The following USP32 variants were observed in gnomAD, a reference collection of about 807,000 sequenced individuals.
The protein encoded by USP32 is ubiquitin carboxyl-terminal hydrolase 32.
USP32 carries 59 observed loss-of-function variants against 204.8 expected under a neutral mutation model. That is an observed-to-expected ratio of 0.29 (90% CI 0.23 to 0.36). The LOEUF is 0.36. Among genes scored for constraint, USP32 ranks in the 10% least tolerant of loss-of-function variants. The pLI, the probability that USP32 is intolerant of heterozygous loss-of-function variation, is 1.00. For synonymous variants in USP32, 517 were observed against 678.4 expected (o/e 0.76, Z 3.70); for missense variants, 1,160 against 1,946.4 (o/e 0.60, Z 7.60).
chr17:60,196,282 A>AT (rs1345281264), intron 27 of USP32, among the ~76,000 whole-genome samples: 1 of 151,468 alleles, frequency 6.6e-6, no homozygotes, highest in African/African-American at 2.4e-5. Flanking sequence ...AAAAAAGAAA[A>AT]AAAAAAAAGA....
intron 2 of USP32, among the ~76,000 whole-genome samples, chr17:60,341,838 T>A (rs1433611597): frequency 6.6e-6 from 1 of 152,230 alleles, no homozygotes; most frequent in Non-Finnish European, 1.5e-5. Context: ...TTCCTTGCGA[T>A]GGGTTCGAAC....
In USP32 at chr17:60,264,785, G is replaced by A. The variant is rs34781040; in HGVS notation, c.990+627C>T. 2.1e-3 allele frequency among the ~76,000 whole-genome samples: 319 copies of A among 150,624 alleles called. No individual in the cohort carries two copies. The Middle Eastern group carries it at 0.027, about 13-fold the overall frequency. On this transcript the variant is annotated intron_variant, in intron 9 of 33. Coordinates refer to ENST00000300896, the MANE Select transcript of USP32 (RefSeq NM_032582.4). The stretch of plus-strand genomic sequence containing the variant: ...TGAGGCAAGAAAATCACTTGAAGCC[G>A]GGAGGCAGAGGTGGCAGTGAGCTGA...
intron 1 of USP32, among the ~76,000 whole-genome samples, chr17:60,380,977 T>G (rs1413617042): frequency 1.3e-5 from 2 of 152,244 alleles, no homozygotes; most frequent in African/African-American, 4.8e-5. Context: ...AACCCAAATT[T>G]TAAATGTTTA....
intron 1 of USP32, among the ~76,000 whole-genome samples, chr17:60,355,234 C>T (rs918620699): frequency 6.6e-6 from 1 of 152,100 alleles, no homozygotes; most frequent in African/African-American, 2.4e-5. Context: ...ACAGGAACAA[C>T]TCATCAATGA....
intron 2 of USP32, among the ~76,000 whole-genome samples, chr17:60,303,148 A>C (rs1010123014): frequency 6.6e-6 from 1 of 152,232 alleles, no homozygotes; most frequent in African/African-American, 2.4e-5. Flanking sequence ...AAATAGCTAC[A>C]GAACATTAAA....
Position 60,223,492 on chromosome 17 carries a change from A to T in USP32, c.1527T>A (p.Asn509Lys), listed in dbSNP as rs755974360. ...GGTTAAGGTGCAACAAAATATTCCC[A>T]TTGGCTCCCAGCAAACACTGGTTGT... ...DNNNQCLLGA[N>K]GNILLHLNPQ... The change falls in exon 14 of 34, where the codon AAT becomes AAA. Residue 509 changes from asparagine to lysine, a missense_variant. Physicochemically the swap from Asn to Lys is moderately conservative, Grantham distance 94. This residue lies in a region of USP32 where 536 missense variants were observed against 680.9 expected (regional missense o/e 0.79). Transcript: ENST00000300896. 1 of 1,613,958 alleles carries T rather than the reference A, an allele frequency of 6.2e-7. No homozygotes were observed. Among genetic ancestry groups the T allele is most frequent in the South Asian group, 1.1e-5 (1 of 91,036 alleles).
intron 3 of USP32, among the ~76,000 whole-genome samples, chr17:60,297,629 CG>C (rs1275126975): frequency 1.3e-5 from 2 of 151,640 alleles, no homozygotes; most frequent in Non-Finnish European, 2.9e-5. Context: ...TTAGTAGAGA[CG>C]GGGTTTCACC....
chr17:60,349,624 T>TTA (rs1318566015), intron 1 of USP32, among the ~76,000 whole-genome samples: 1,156 of 59,806 alleles, frequency 0.019, 17 homozygotes, highest in Middle Eastern at 0.038. Flanking sequence ...TATATATATA[T>TTA]TATATATATA....
intron 1 of USP32, among the ~76,000 whole-genome samples, chr17:60,387,930 A>T (rs545209342): frequency 2.0e-4 from 30 of 152,286 alleles, no homozygotes; most frequent in African/African-American, 7.0e-4. Flanking sequence ...TTTCTACTGA[A>T]CGCATATAGC....
At chr17:60,201,099 C>T (rs1455606402) in intron 26 of USP32, among the ~76,000 whole-genome samples, 3 of 152,136 alleles carry the variant, frequency 2.0e-5, no homozygotes, top group Non-Finnish European at 2.9e-5. Flanking sequence ...CTCAAGCAAT[C>T]GGCCCACCTC....
intron 11 of USP32, among the ~76,000 whole-genome samples, chr17:60,237,156 ATCT>A (rs1567792301): frequency 1.3e-5 from 2 of 151,160 alleles, no homozygotes. Flanking sequence ...CTATCTATCT[ATCT>A]ATCTACAGAA....
rs745804131 is a variant in USP32, at chr17:60,392,104, T to TCGC, written c.-168_-166dup. ...CTTCTGCCCCGGCGGCTCCTCCCGGTCGCCGCCACCGCCTCCATGCCGGAT... is the reference window on the plus strand; with the variant it reads ...CTTCTGCCCCGGCGGCTCCTCCCGGTCGCCGCCGCCACCGCCTCCATGCCGGAT... On this transcript the variant is annotated 5_prime_UTR_variant, in exon 1 of 34. Transcript: ENST00000300896. 5 of 655,652 alleles carry TCGC rather than the reference T, an allele frequency of 7.6e-6. No homozygotes were observed. Among genetic ancestry groups the TCGC allele is most frequent in the Non-Finnish European group, 4.9e-6 (2 of 410,848 alleles). 40.6% of individuals were successfully genotyped at this position (655,652 alleles called of 1,614,324 possible).
chr17:60,416,130 G>A (rs565480383), intron 1 of USP32, among the ~76,000 whole-genome samples: 3 of 152,226 alleles, frequency 2.0e-5, no homozygotes, highest in East Asian at 1.9e-4. Flanking sequence ...GACCCACTGC[G>A]CCTGGCTTAC....
At chr17:60,421,293 C>G in intron 1 of USP32, 2 of 868,958 alleles carry the variant, frequency 2.3e-6, no homozygotes, top group Non-Finnish European at 2.8e-6. Flanking sequence ...GCTGAACATG[C>G]TGGCATAGAG....
At chr17:60,274,019 T>C (rs183160571) in intron 5 of USP32, among the ~76,000 whole-genome samples, 1 of 137,928 alleles carries the variant, frequency 7.3e-6, no homozygotes, top group East Asian at 2.1e-4. Context: ...AAATAACAGA[T>C]GATGTAATTA....
intron 5 of USP32, among the ~76,000 whole-genome samples, chr17:60,276,167 C>T (rs550053121): frequency 3.3e-5 from 5 of 152,190 alleles, no homozygotes; most frequent in Non-Finnish European, 7.4e-5. Context: ...TTGCTTAAGT[C>T]TAGGGGTTTA....
At chr17:60,261,573 G>A (rs1266760973) in intron 9 of USP32, among the ~76,000 whole-genome samples, 1 of 151,922 alleles carries the variant, frequency 6.6e-6, no homozygotes, top group Non-Finnish European at 1.5e-5. Flanking sequence ...TTGAACCCAG[G>A]ACGTAGAGGT....
At chr17:60,183,046 T>C (rs2084153351) in intron 31 of USP32, 119 bp downstream of exon 31, 1 of 1,380,400 alleles carries the variant, frequency 7.2e-7, no homozygotes, top group Non-Finnish European at 9.8e-7. Context: ...CAGATAGGTC[T>C]GATTCCAGAT....
chr17:60,301,558 G>T, intron 3 of USP32, 41 bp downstream of exon 3: 1 of 1,278,318 alleles, frequency 7.8e-7, no homozygotes, highest in Non-Finnish European at 1.1e-6. Context: ...AAATTATTCT[G>T]TACATAGACG....
Sources: gnomAD v4.1 joint callset for allele counts (sites outside exome capture counted in the v4.1 genomes callset) on GRCh38, gnomAD v4.1.1 for gene constraint, gnomAD v4.1.1 regional missense constraint, MANE v1.5 for transcripts, NCBI Gene and HGNC (gene_info 2026-07-23, HGNC 2026-07-21) for gene names.